The following MCF2L2 variants were observed in gnomAD, a reference collection of about 807,000 sequenced individuals.
MCF2L2 encodes the protein probable guanine nucleotide exchange factor MCF2L2.
Under a neutral mutation model 150.2 loss-of-function variants are expected in MCF2L2, and 102 were observed. The ratio of observed to expected loss-of-function variants is 0.68; its 90% confidence interval spans 0.58 to 0.80. The LOEUF (loss-of-function observed/expected upper bound fraction) is 0.80. Ranked by LOEUF, MCF2L2 falls within the 30% of genes least tolerant of loss-of-function variation. The pLI is 0.00. For missense variants in MCF2L2, 1,256 were observed against 1,372.8 expected (o/e 0.91, Z 1.34); for synonymous variants, 465 against 491.3 (o/e 0.95, Z 0.71).
chr3:183,183,289 G>A (rs1244776937), intron 27 of MCF2L2, among the ~76,000 whole-genome samples: 2 of 152,178 alleles, frequency 1.3e-5, no homozygotes, highest in Non-Finnish European at 2.9e-5. Flanking sequence ...GAGCCATCAT[G>A]CCCACCTCCT....
intron 1 of MCF2L2, among the ~76,000 whole-genome samples, chr3:183,390,813 CTT>C (rs1434205079): frequency 6.6e-6 from 1 of 152,170 alleles, no homozygotes; most frequent in African/African-American, 2.4e-5. Flanking sequence ...AGGAGAATCT[CTT>C]GAGTCTAGGA....
In MCF2L2 at chr3:183,207,696, A is replaced by C. The variant is rs1262762826; in HGVS notation, c.2624T>G (p.Phe875Cys). Reference protein sequence around the residue: ...FKPSQRQIYLFERGIVFCKIR... With the variant: ...FKPSQRQIYLCERGIVFCKIR... Reference sequence around the variant, plus strand: ...CTTACAGAACACTATTCCCCTTTCAAATAGGTAGATTTGCCTCTGGCTGGG... The same window carrying C: ...CTTACAGAACACTATTCCCCTTTCACATAGGTAGATTTGCCTCTGGCTGGG... The change falls in exon 23 of 30, where the codon TTT (phenylalanine) becomes TGT (cysteine). Residue 875 changes from phenylalanine (F) to cysteine (C), a missense_variant. Physicochemically the swap from Phe to Cys is radical, Grantham distance 205. Transcript: ENST00000328913. 4 of 1,614,042 alleles carry C rather than the reference A, an allele frequency of 2.5e-6. No homozygotes were observed. Among genetic ancestry groups the C allele is most frequent in the Non-Finnish European group, 3.4e-6 (4 of 1,180,004 alleles).
chr3:183,199,435 AC>A (rs1433282540), intron 25 of MCF2L2, among the ~76,000 whole-genome samples: 2 of 152,144 alleles, frequency 1.3e-5, no homozygotes, highest in African/African-American at 4.8e-5. Context: ...ATCCCTGCAA[AC>A]AAAGTGAAAG....
chr3:183,254,537 G>A (rs1395607539), intron 15 of MCF2L2: 5 of 152,126 alleles, frequency 3.3e-5, no homozygotes, highest in Non-Finnish European at 1.5e-5. Context: ...TCCGGTTGGG[G>A]CGGCTTCCCG....
intron 1 of MCF2L2, among the ~76,000 whole-genome samples, chr3:183,418,498 T>C (rs1208145463): frequency 2.0e-5 from 3 of 152,252 alleles, no homozygotes; most frequent in African/African-American, 7.2e-5. Flanking sequence ...AAGTCTCATC[T>C]GAGACAAGGC....
At chr3:183,327,693 G>A (rs1360876386) in intron 5 of MCF2L2, among the ~76,000 whole-genome samples, 2 of 152,122 alleles carry the variant, frequency 1.3e-5, no homozygotes, top group Admixed American at 6.5e-5. Flanking sequence ...CTTTTAGAGA[G>A]CCTCTCCCTG....
intron 21 of MCF2L2, 34 bp from the exon 22 acceptor site, chr3:183,216,128 A>G (rs774613473): frequency 6.2e-7 from 1 of 1,609,326 alleles, no homozygotes; most frequent in African/African-American, 1.3e-5. Context: ...GGAAATCAAA[A>G]GTATACCATC....
chr3:183,399,748 A>G (rs1035251997), intron 1 of MCF2L2, among the ~76,000 whole-genome samples: 2 of 152,222 alleles, frequency 1.3e-5, no homozygotes, highest in African/African-American at 2.4e-5. Flanking sequence ...AGAAATATAG[A>G]AATATTGAAA....
intron 26 of MCF2L2, among the ~76,000 whole-genome samples, chr3:183,193,501 C>T (rs1268689755): frequency 6.6e-6 from 1 of 151,998 alleles, no homozygotes; most frequent in Non-Finnish European, 1.5e-5. Context: ...CATGCGTGTG[C>T]CACCACACCC....
rs142648346 is a variant in MCF2L2 at position 183,209,681 on chromosome 3, G to C, written c.2497-1858C>G. ...TTTTTGTATTTTTAGTAGAGCCAGGGTTTCAGCATGTTGGCCAGGCTGGTC... is the reference window on the plus strand; with the variant it reads ...TTTTTGTATTTTTAGTAGAGCCAGGCTTTCAGCATGTTGGCCAGGCTGGTC... On this transcript the variant is annotated intron_variant, in intron 22 of 29. Transcript: ENST00000328913. 5.3e-3 allele frequency among the ~76,000 whole-genome samples: 804 copies of C among 152,108 alleles called. 12 individuals are homozygous for C. The highest frequency in any genetic ancestry group is 7.7e-3 in the East Asian group (40 of 5,174).
chr3:183,262,586 T>C (rs73884614), intron 15 of MCF2L2, among the ~76,000 whole-genome samples: 13,823 of 151,900 alleles, frequency 0.091, 1,695 homozygotes, highest in African/African-American at 0.28. Flanking sequence ...GTATGTTTTA[T>C]AGAGGGAATG....
intron 14 of MCF2L2, among the ~76,000 whole-genome samples, chr3:183,279,641 G>A (rs905286875): frequency 5.3e-5 from 8 of 152,116 alleles, no homozygotes; most frequent in Non-Finnish European, 1.0e-4. Context: ...CCAATCAGGC[G>A]GAACAGCCCC....
intron 5 of MCF2L2, among the ~76,000 whole-genome samples, chr3:183,323,643 A>T (rs942485081): frequency 1.4e-4 from 21 of 151,912 alleles, no homozygotes; most frequent in South Asian, 4.2e-4. Context: ...AAAATAAAAA[A>T]AAAAATTAGC....
At chr3:183,402,187 T>C (rs1210913639) in intron 1 of MCF2L2, among the ~76,000 whole-genome samples, 1 of 152,014 alleles carries the variant, frequency 6.6e-6, no homozygotes, top group Non-Finnish European at 1.5e-5. Context: ...CTCATGCCTG[T>C]AGTCCCAGCA....
intron 27 of MCF2L2, chr3:183,182,576 G>C (rs1054435609): frequency 2.0e-5 from 3 of 153,012 alleles, no homozygotes; most frequent in Non-Finnish European, 2.9e-5. Flanking sequence ...CAAAGCAGGA[G>C]GGGGGGCTGC....
intron 1 of MCF2L2, among the ~76,000 whole-genome samples, chr3:183,413,321 A>G (rs1304205503): frequency 6.6e-6 from 1 of 152,216 alleles, no homozygotes; most frequent in East Asian, 1.9e-4. Context: ...TGTTATATGT[A>G]TTATAAACTG....
chr3:183,272,052 C>T (rs192043368), intron 15 of MCF2L2: 1 of 596,534 alleles, frequency 1.7e-6, no homozygotes, highest in Non-Finnish European at 2.2e-6. Context: ...TCATCAATAA[C>T]TGTCAGAGGT....
chr3:183,390,381 G>A (rs1714075190), intron 1 of MCF2L2, among the ~76,000 whole-genome samples: 2 of 151,902 alleles, frequency 1.3e-5, no homozygotes, highest in Non-Finnish European at 2.9e-5. Flanking sequence ...TCTCCTAACT[G>A]AATAATAAGT....
chr3:183,351,190 G>GTGTATGTA (rs1491563903), intron 3 of MCF2L2, among the ~76,000 whole-genome samples: 9 of 38,844 alleles, frequency 2.3e-4, no homozygotes, highest in African/African-American at 7.8e-4. Flanking sequence ...ATTTTCTTAA[G>GTGTATGTA]TATATATATA....
Sources: gnomAD v4.1 joint callset for allele counts (sites outside exome capture counted in the v4.1 genomes callset) on GRCh38, gnomAD v4.1.1 for gene constraint, MANE v1.5 for transcripts, NCBI Gene and HGNC (gene_info 2026-07-23, HGNC 2026-07-21) for gene names.